The following WIF1 variants were observed in gnomAD, a reference collection of about 807,000 sequenced individuals.
WIF1 encodes Wnt inhibitory factor 1.
Under a neutral mutation model 53.5 loss-of-function variants are expected in WIF1, and 35 were observed. That is an observed-to-expected ratio of 0.65 (90% CI 0.50 to 0.87). The LOEUF (loss-of-function observed/expected upper bound fraction) is 0.87, where lower values mean the gene tolerates loss of function less well. Ranked by LOEUF, WIF1 falls within the 40% of genes least tolerant of loss-of-function variation. The pLI, the probability that WIF1 is intolerant of heterozygous loss-of-function variation, is 0.00. For synonymous variants in WIF1, 171 were observed against 170.4 expected, an observed-to-expected ratio of 1.00 and a Z score of -0.03; for missense variants, 467 against 476.8, an observed-to-expected ratio of 0.98 and a Z score of 0.19.
In WIF1 at chr12:65,121,048, G is replaced by A. The variant is rs374644209; in HGVS notation, c.144C>T (p.Leu48=). ...CGCTGGAGGCGGGGGCCTTACCTAT[G>A]AGTACTCTTGCCTGGTGAGCATCGA... ...LWIDAHQARV[L]IGFEEDILIV... The change falls in exon 1 of 10, where the codon CTC becomes CTT. Residue 48 remains leucine, a synonymous_variant. Transcript: ENST00000286574. The A allele has an allele frequency of 1.9e-4, 280 of 1,503,974 alleles. No homozygotes were observed. Among genetic ancestry groups the A allele is most frequent in the Non-Finnish European group, 1.4e-4 (158 of 1,119,638 alleles). 93.2% of individuals were successfully genotyped at this position (1,503,974 alleles called of 1,614,324 possible).
At chr12:65,076,621 C>T (rs184171776) in intron 3 of WIF1, among the ~76,000 whole-genome samples, 13 of 152,224 alleles carry the variant, frequency 8.5e-5, no homozygotes, top group Admixed American at 3.9e-4. Context: ...CCAACAATTA[C>T]TTTCTGAATA....
chr12:65,050,968 T>C lies in WIF1; in HGVS notation c.*381A>G. On this transcript the variant is annotated 3_prime_UTR_variant, in exon 10 of 10. Coordinates refer to ENST00000286574, the MANE Select transcript of WIF1 (RefSeq NM_007191.5). ...GAAATGCTGTAACTTCAACATTAAC[T>C]GCACCATCCAAATTCTTGTGACTTA... The C allele has an allele frequency of 4.2e-6, 1 of 235,980 alleles. No individual in the cohort carries two copies. Among genetic ancestry groups the C allele is most frequent in the Non-Finnish European group, 8.3e-6 (1 of 119,952 alleles). 14.6% of individuals were successfully genotyped at this position (235,980 alleles called of 1,614,324 possible).
chr12:65,102,297 G>A (rs1322464844), intron 2 of WIF1, among the ~76,000 whole-genome samples: 4 of 152,144 alleles, frequency 2.6e-5, no homozygotes, highest in Non-Finnish European at 5.9e-5. Context: ...GATTATGGAG[G>A]CTGACAAGTC....
chr12:65,066,041 C>T (rs1882681921), intron 6 of WIF1, among the ~76,000 whole-genome samples: 1 of 152,148 alleles, frequency 6.6e-6, no homozygotes, highest in Non-Finnish European at 1.5e-5. Flanking sequence ...TAGAAGCTCA[C>T]CCACAAAACC....
At chr12:65,072,774 G>A (rs1247008546) in intron 3 of WIF1, among the ~76,000 whole-genome samples, 2 of 152,128 alleles carry the variant, frequency 1.3e-5, no homozygotes, top group Non-Finnish European at 2.9e-5. Context: ...AGGAATAAGA[G>A]GAATGTGAAA....
chr12:65,086,045 C>T (rs1179867179), intron 2 of WIF1, among the ~76,000 whole-genome samples: 1 of 151,258 alleles, frequency 6.6e-6, no homozygotes, highest in Admixed American at 6.6e-5. Context: ...ATAAAACCAA[C>T]AGTTAAGGTT....
intron 2 of WIF1, among the ~76,000 whole-genome samples, chr12:65,092,089 G>A (rs1883131054): frequency 1.3e-5 from 2 of 152,114 alleles, no homozygotes. Context: ...TATGTACCAT[G>A]GAATACTATG....
rs1456760959 is a variant in WIF1 at position 65,066,745 on chromosome 12, G to T, written c.635-9C>A. ...TCGTGGGGTACAAAGGGCTTATAGG[G>T]AGAGAGAACCCTGATTAAGGCCAAA... On this transcript the variant is annotated splice_polypyrimidine_tract_variant and intron_variant, in intron 5 of 9. Transcript: ENST00000286574. 1.3e-6 allele frequency: 2 copies of T among 1,584,376 alleles called. No homozygotes were observed. The highest frequency in any genetic ancestry group is 1.7e-6 in the Non-Finnish European group (2 of 1,166,002).
intron 2 of WIF1, chr12:65,083,833 TTTCTTTTCTTTTC>T (rs779957463): frequency 8.1e-6 from 3 of 368,144 alleles, no homozygotes; most frequent in African/African-American, 2.5e-5. Context: ...TCTTTTCTCT[TTTCTTTTCTTTTC>T]TTTTCTTTTC....
intron 3 of WIF1, among the ~76,000 whole-genome samples, chr12:65,070,358 T>A (rs1882754725): frequency 1.3e-5 from 2 of 152,182 alleles, no homozygotes; most frequent in Admixed American, 6.6e-5. Flanking sequence ...GTGTCTAAAG[T>A]TCTAAAGTAA....
At chr12:65,059,595 C>T (rs1031293303) in intron 7 of WIF1, among the ~76,000 whole-genome samples, 1 of 152,060 alleles carries the variant, frequency 6.6e-6, no homozygotes, top group African/African-American at 2.4e-5. Context: ...GTTTTGTTAA[C>T]CTACAAGCAT....
chr12:65,083,752 T>C, intron 2 of WIF1: 1 of 338,892 alleles, frequency 3.0e-6, no homozygotes, highest in Non-Finnish European at 5.5e-6. Context: ...TTTTCTTTCC[T>C]TTCCTTTCCT....
chr12:65,067,694 C>G lies in WIF1; in HGVS notation c.634+1G>C, dbSNP rs1882708330. 2 of 1,612,924 alleles carry G rather than the reference C, an allele frequency of 1.2e-6. No homozygotes were observed. The highest frequency in any genetic ancestry group is 1.7e-5 in the Admixed American group (1 of 59,920). Reference sequence around the variant, plus strand: ...CAAGGGAAATCGGCTCCATGTCTTACCTTTCTCACAGTGAGGTCCGTGGAA... The same window carrying G: ...CAAGGGAAATCGGCTCCATGTCTTAGCTTTCTCACAGTGAGGTCCGTGGAA... On this transcript the variant is annotated splice_donor_variant, in intron 5 of 9. Coordinates refer to ENST00000286574, the MANE Select transcript of WIF1 (RefSeq NM_007191.5). LOFTEE classifies it high-confidence loss of function.
intron 9 of WIF1, among the ~76,000 whole-genome samples, chr12:65,052,460 A>G (rs1882454903): frequency 6.6e-6 from 1 of 152,114 alleles, no homozygotes; most frequent in African/African-American, 2.4e-5. Context: ...GGGTGAGCCT[A>G]TGCGGGGACT....
intron 9 of WIF1, 101 bp downstream of exon 9, chr12:65,055,017 C>A: frequency 8.1e-7 from 1 of 1,232,560 alleles, no homozygotes; most frequent in Admixed American, 2.4e-5. Context: ...GCCTTTGAAG[C>A]CAAGAAACCG....
intron 2 of WIF1, among the ~76,000 whole-genome samples, chr12:65,103,033 A>C (rs1176901250): frequency 6.6e-6 from 1 of 152,158 alleles, no homozygotes; most frequent in Non-Finnish European, 1.5e-5. Context: ...TCCACTCAAA[A>C]TGTTTCCTTA....
At chr12:65,059,043 C>T (rs1882571740) in intron 7 of WIF1, among the ~76,000 whole-genome samples, 1 of 150,524 alleles carries the variant, frequency 6.6e-6, no homozygotes, top group South Asian at 2.1e-4. Context: ...CAGAGCTAGA[C>T]TCCATCTCAA....
chr12:65,062,911 A>AT (rs1319250612), intron 6 of WIF1, among the ~76,000 whole-genome samples: 54 of 152,044 alleles, frequency 3.6e-4, no homozygotes, highest in Admixed American at 9.2e-4. Context: ...AAACCTAAGG[A>AT]TTTTTTTTGT....
At chr12:65,075,521 C>A (rs1012706851) in intron 3 of WIF1, among the ~76,000 whole-genome samples, 16 of 152,126 alleles carry the variant, frequency 1.1e-4, no homozygotes, top group Admixed American at 9.2e-4. Context: ...TCTAAACACA[C>A]CCTATGTATA....
Sources: allele counts gnomAD v4.1 joint callset (sites outside exome capture counted in the v4.1 genomes callset), GRCh38; gene constraint gnomAD v4.1.1; transcripts MANE v1.5; gene names NCBI Gene and HGNC (gene_info 2026-07-23, HGNC 2026-07-21).